The following COG5 variants were observed in gnomAD, a reference collection of about 807,000 sequenced individuals.
COG5 encodes conserved oligomeric Golgi complex subunit 5.
Under a neutral mutation model 110.4 loss-of-function variants are expected in COG5, and 86 were observed. The observed-to-expected ratio is 0.78, with a 90% CI of 0.65 to 0.93. The LOEUF (loss-of-function observed/expected upper bound fraction) is 0.93, where lower values mean the gene tolerates loss of function less well. COG5 is among the 40% of genes least tolerant of loss of function. COG5 has a pLI of 0.00. For missense variants in COG5, 1,077 were observed against 987.0 expected (o/e 1.09, Z -1.22); for synonymous variants, 360 against 334.6 (o/e 1.08, Z -0.83).
intron 10 of COG5, among the ~76,000 whole-genome samples, chr7:107,340,637 A>G (rs892739769): frequency 6.6e-6 from 1 of 152,198 alleles, no homozygotes; most frequent in Non-Finnish European, 1.5e-5. Context: ...TCCCAACAAA[A>G]TACTAGCAAA....
At chr7:107,409,689 A>G (rs1419352911) in intron 7 of COG5, among the ~76,000 whole-genome samples, 2 of 152,226 alleles carry the variant, frequency 1.3e-5, no homozygotes, top group Admixed American at 1.3e-4. Context: ...AGCAAAGTAA[A>G]GAAGCAGGGC....
In COG5 at chr7:107,354,933, T is replaced by C. The variant is rs6961680; in HGVS notation, c.1026+7100A>G. 7.4e-3 allele frequency among the ~76,000 whole-genome samples: 1,132 copies of C among 152,300 alleles called. 15 individuals carry two copies. The highest frequency in any genetic ancestry group is 0.023 in the African/African-American group (974 of 41,556). On this transcript the variant is annotated intron_variant, in intron 10 of 21. Transcript: ENST00000297135. ...TACATTGTCCTGCCCTTGACACTAC[T>C]TGAATAACTGTTACAAAAGAAGCCC... is the stretch of plus-strand genomic sequence containing the variant.
intron 6 of COG5, among the ~76,000 whole-genome samples, chr7:107,513,612 G>C (rs965173348): frequency 6.6e-6 from 1 of 152,124 alleles, no homozygotes; most frequent in African/African-American, 2.4e-5. Flanking sequence ...TGTTTACTGT[G>C]GCACTATTCA....
intron 11 of COG5, among the ~76,000 whole-genome samples, chr7:107,316,478 AG>A (rs1808750609): frequency 6.6e-6 from 1 of 152,064 alleles, no homozygotes; most frequent in Non-Finnish European, 1.5e-5. Flanking sequence ...CAGGAGATAA[AG>A]GAAGACATGT....
At chr7:107,479,433 G>T (rs1461676250) in intron 6 of COG5, among the ~76,000 whole-genome samples, 1 of 152,078 alleles carries the variant, frequency 6.6e-6, no homozygotes, top group East Asian at 1.9e-4. Flanking sequence ...ACAGAAGATA[G>T]GAAGCTGCTG....
intron 7 of COG5, among the ~76,000 whole-genome samples, chr7:107,374,635 A>G (rs1814471401): frequency 6.6e-6 from 1 of 152,074 alleles, no homozygotes; most frequent in Non-Finnish European, 1.5e-5. Flanking sequence ...ACATGTTTGA[A>G]AAGGTTACTT....
chr7:107,283,815 A>G, intron 12 of COG5, 83 bp from the exon 13 acceptor site: 1 of 937,782 alleles, frequency 1.1e-6, no homozygotes. Context: ...TACCTTTTTA[A>G]AAAATGCACC....
Position 107,211,205 on chromosome 7 carries a change from C to G in COG5, c.2189G>C (p.Ser730Thr), listed in dbSNP as rs924478601. 1.2e-6 allele frequency: 2 copies of G among 1,614,000 alleles called. No homozygotes were observed. The highest frequency in any genetic ancestry group is 1.7e-5 in the Admixed American group (1 of 60,008). ...RSFRPLLFQA[S>T]EHVASSPALG... ...TGCAGGACTACTGGCTACATGTTCACTTGCCTGGAAGAGCAGAGGTCTAGA... is the reference window on the plus strand; with the variant it reads ...TGCAGGACTACTGGCTACATGTTCAGTTGCCTGGAAGAGCAGAGGTCTAGA... The change falls in exon 20 of 22, where the codon AGT (serine) becomes ACT (threonine). Residue 730 changes from serine (S) to threonine (T), a missense_variant. Ser to Thr is a moderately conservative substitution (Grantham distance 58). Transcript: ENST00000297135.
intron 7 of COG5, among the ~76,000 whole-genome samples, chr7:107,406,821 A>G (rs889440499): frequency 1.3e-5 from 2 of 152,148 alleles, no homozygotes; most frequent in African/African-American, 2.4e-5. Flanking sequence ...AGATATATAC[A>G]AATGTATACA....
intron 7 of COG5, among the ~76,000 whole-genome samples, chr7:107,406,841 T>C (rs1170299704): frequency 1.3e-5 from 2 of 152,124 alleles, no homozygotes; most frequent in African/African-American, 4.8e-5. Context: ...ATCAAAAACA[T>C]GTCATAGATG....
At chr7:107,210,988 A>G (rs1386979736) in intron 20 of COG5, 111 bp downstream of exon 20, 5 of 1,240,344 alleles carry the variant, frequency 4.0e-6, no homozygotes, top group Middle Eastern at 1.9e-4. Flanking sequence ...AGACATAAGC[A>G]ACTAAACAAA....
chr7:107,462,611 TA>T (rs370588173), intron 6 of COG5, among the ~76,000 whole-genome samples: 52 of 112,096 alleles, frequency 4.6e-4, no homozygotes, highest in South Asian at 3.2e-3. Flanking sequence ...GAAAAATGCC[TA>T]AAAAAAAAAA....
chr7:107,276,653 A>G (rs1804724795), intron 14 of COG5, among the ~76,000 whole-genome samples: 1 of 152,164 alleles, frequency 6.6e-6, no homozygotes, highest in African/African-American at 2.4e-5. Flanking sequence ...ACCATCTCAA[A>G]AACAAACAAA....
intron 14 of COG5, among the ~76,000 whole-genome samples, chr7:107,274,601 A>T (rs1804550308): frequency 6.6e-6 from 1 of 152,116 alleles, no homozygotes; most frequent in Admixed American, 6.5e-5. Context: ...CCAGCCTAGA[A>T]CAGCAGCCAG....
intron 6 of COG5, among the ~76,000 whole-genome samples, chr7:107,499,852 A>G (rs1319376779): frequency 2.0e-5 from 3 of 152,104 alleles, no homozygotes; most frequent in African/African-American, 4.8e-5. Context: ...CCTCCTTTGC[A>G]TCTACATTTT....
At chr7:107,387,465 T>C (rs1190156947) in intron 7 of COG5, among the ~76,000 whole-genome samples, 1 of 152,260 alleles carries the variant, frequency 6.6e-6, no homozygotes, top group South Asian at 2.1e-4. Flanking sequence ...ATTTCGTGTG[T>C]TCCTTGTATA....
intron 7 of COG5, among the ~76,000 whole-genome samples, chr7:107,398,542 C>T (rs188200677): frequency 9.9e-5 from 15 of 152,250 alleles, no homozygotes; most frequent in South Asian, 2.1e-4. Context: ...TGATCTGAGG[C>T]GAACAGTTCA....
intron 19 of COG5, among the ~76,000 whole-genome samples, chr7:107,215,283 T>C (rs1213603671): frequency 9.9e-5 from 15 of 152,120 alleles, no homozygotes. Flanking sequence ...AACTACAAAC[T>C]AGTATTATTG....
rs543864181 is a variant in COG5 at position 107,386,446 on chromosome 7, G to A, written c.670-13686C>T. Among the ~76,000 whole-genome samples, 22 of 152,214 alleles carry A rather than the reference G, an allele frequency of 1.4e-4. No individual in the cohort carries two copies. In the East Asian group the frequency reaches 3.3e-3, roughly 23 times the overall value. On this transcript the variant is annotated intron_variant, in intron 7 of 21. Coordinates refer to ENST00000297135, the MANE Select transcript of COG5 (RefSeq NM_006348.5). ...GACAGACCCCCGCAGCTGGTGCCCC[G>A]TGTGAGGAACGCTGCGGAGGAAGCA...
Sources: allele counts gnomAD v4.1 joint callset (sites outside exome capture counted in the v4.1 genomes callset), GRCh38; gene constraint gnomAD v4.1.1; transcripts MANE v1.5; gene names NCBI Gene and HGNC (gene_info 2026-07-23, HGNC 2026-07-21).